Variants in ACOT12 observed in about 807,000 individuals in gnomAD.
ACOT12 encodes the protein acetyl-coenzyme A thioesterase.
In ACOT12, 51 loss-of-function variants were observed where a neutral mutation model predicts 67.7. The observed-to-expected ratio is 0.75, with a 90% CI of 0.60 to 0.95. The LOEUF (loss-of-function observed/expected upper bound fraction) is 0.95, where lower values mean the gene tolerates loss of function less well. Ranked by LOEUF, ACOT12 falls within the 40% of genes least tolerant of loss-of-function variation. The pLI is 0.00. For missense variants in ACOT12, 734 were observed against 708.1 expected (o/e 1.04, Z -0.41); for synonymous variants, 251 against 244.6 (o/e 1.03, Z -0.24).
At chr5:81,325,395 C>T (rs777198220), downstream of ACOT12, among the ~76,000 whole-genome samples, 4 of 152,112 alleles carry the variant, frequency 2.6e-5, no homozygotes, top group Non-Finnish European at 4.4e-5. Context: ...GAGACCAGTA[C>T]ACAATTTTCA....
intron 2 of ACOT12, among the ~76,000 whole-genome samples, chr5:81,383,478 G>A (rs988549723): frequency 1.2e-4 from 19 of 152,186 alleles, no homozygotes; most frequent in Admixed American, 3.9e-4. Context: ...TACAGTGGAT[G>A]TAAATTCTAT....
the ACOT12 span, among the ~76,000 whole-genome samples, chr5:81,321,706 T>C: frequency 6.6e-6 from 1 of 152,000 alleles, no homozygotes; most frequent in Non-Finnish European, 1.5e-5. Context: ...AGCACTTTGG[T>C]GGGGCTGAGG....
chr5:81,387,089 T>A (rs1479880156), intron 1 of ACOT12, among the ~76,000 whole-genome samples: 1 of 142,636 alleles, frequency 7.0e-6, no homozygotes, highest in Non-Finnish European at 1.5e-5. Flanking sequence ...CATTTCAACC[T>A]CCACCTCCTG....
At chr5:81,324,222 T>C in the ACOT12 span, among the ~76,000 whole-genome samples, 1 of 152,170 alleles carries the variant, frequency 6.6e-6, no homozygotes, top group Non-Finnish European at 1.5e-5. Context: ...ATTACAAGTG[T>C]GAGCCACTGT....
chr5:81,325,271 C>T (rs910425024), downstream of ACOT12, among the ~76,000 whole-genome samples: 5 of 152,104 alleles, frequency 3.3e-5, no homozygotes, highest in South Asian at 2.1e-4. Context: ...GTAAGAGACA[C>T]GAGAAGCTTG....
At chr5:81,339,175 G>A (rs1424740389) in intron 11 of ACOT12, among the ~76,000 whole-genome samples, 1 of 152,214 alleles carries the variant, frequency 6.6e-6, no homozygotes, top group African/African-American at 2.4e-5. Context: ...GTGGTAAAGA[G>A]GGCAAAAGTG....
At chr5:81,350,457 G>A (rs150265479) in intron 5 of ACOT12, among the ~76,000 whole-genome samples, 105 of 152,144 alleles carry the variant, frequency 6.9e-4, no homozygotes, top group African/African-American at 2.3e-3. Context: ...TGTGGGCCTC[G>A]TTCAGACTTT....
intron 1 of ACOT12, among the ~76,000 whole-genome samples, chr5:81,391,272 T>C (rs1561355991): frequency 6.6e-6 from 1 of 152,234 alleles, no homozygotes; most frequent in South Asian, 2.1e-4. Flanking sequence ...TAGCTGTGCT[T>C]TTCCCAAACC....
At chr5:81,375,839 A>C (rs1041850145) in intron 2 of ACOT12, among the ~76,000 whole-genome samples, 7 of 152,182 alleles carry the variant, frequency 4.6e-5, no homozygotes, top group African/African-American at 1.7e-4. Flanking sequence ...ATTCATAGAG[A>C]AAGTTCTTAG....
chr5:81,348,978 T>C (rs1357194645), intron 5 of ACOT12, among the ~76,000 whole-genome samples: 1 of 152,272 alleles, frequency 6.6e-6, no homozygotes, highest in African/African-American at 2.4e-5. Context: ...TCAATTATGC[T>C]TTTTGCATCA....
chr5:81,322,468 C>CAAA, the ACOT12 span, among the ~76,000 whole-genome samples: 25,410 of 146,458 alleles, frequency 0.17, 2,460 homozygotes, highest in Admixed American at 0.26. Context: ...AAAAAATAAA[C>CAAA]AAAAAAAAAA....
chr5:81,378,285 G>A (rs1377050539), intron 2 of ACOT12, among the ~76,000 whole-genome samples: 1 of 152,144 alleles, frequency 6.6e-6, no homozygotes, highest in African/African-American at 2.4e-5. Context: ...CTAGCCATAT[G>A]CAGAAAACTG....
the ACOT12 span, among the ~76,000 whole-genome samples, chr5:81,318,461 AGTAAGT>A: frequency 0.01 from 1,536 of 152,238 alleles, 32 homozygotes; most frequent in African/African-American, 0.035. Flanking sequence ...TTTTGAAATT[AGTAAGT>A]GTAAGTCCTC....
At chr5:81,359,197 G>A (rs149544184) in intron 5 of ACOT12, among the ~76,000 whole-genome samples, 5 of 152,258 alleles carry the variant, frequency 3.3e-5, no homozygotes, top group African/African-American at 9.6e-5. Flanking sequence ...GGGCCTGGGC[G>A]GGCTCACTTC....
intron 11 of ACOT12, among the ~76,000 whole-genome samples, chr5:81,337,812 C>T (rs1759051277): frequency 6.6e-6 from 1 of 152,192 alleles, no homozygotes; most frequent in Admixed American, 6.5e-5. Flanking sequence ...TCTGTTATAG[C>T]AGCCCTAGGA....
intron 4 of ACOT12, 101 bp from the exon 5 acceptor site, chr5:81,360,139 CAAGT>C: frequency 8.2e-7 from 1 of 1,225,140 alleles, no homozygotes; most frequent in Admixed American, 2.8e-5. Flanking sequence ...TTTTCTAACT[CAAGT>C]AAATAGAGCT....
chr5:81,340,235 C>T (rs1272247874), intron 11 of ACOT12, among the ~76,000 whole-genome samples: 1 of 152,102 alleles, frequency 6.6e-6, no homozygotes, highest in African/African-American at 2.4e-5. Flanking sequence ...TGGGGTTTCA[C>T]CATGTTGGTC....
chr5:81,390,113 C>A (rs551834009), intron 1 of ACOT12, among the ~76,000 whole-genome samples: 1 of 150,772 alleles, frequency 6.6e-6, no homozygotes, highest in Admixed American at 6.6e-5. Context: ...TGCTACCATG[C>A]CTGGCTAATT....
At chr5:81,348,856 G>A (rs927587104) in intron 5 of ACOT12, among the ~76,000 whole-genome samples, 13 of 152,220 alleles carry the variant, frequency 8.5e-5, no homozygotes, top group South Asian at 6.2e-4. Context: ...GAGCCACCGC[G>A]CCTAGCTTTC....
Sources: gnomAD v4.1 joint callset for allele counts (sites outside exome capture counted in the v4.1 genomes callset) on GRCh38, gnomAD v4.1.1 for gene constraint, MANE v1.5 for transcripts, NCBI Gene and HGNC (gene_info 2026-07-23, HGNC 2026-07-21) for gene names.